TFB1M: variants seen among roughly 807,000 people sequenced by gnomAD.
The protein encoded by TFB1M is transcription factor B1, mitochondrial, also known as dimethyladenosine transferase 1, mitochondrial.
In TFB1M, 27 loss-of-function variants were observed where a neutral mutation model predicts 31.1. The ratio of observed to expected loss-of-function variants is 0.87; its 90% CI spans 0.64 to 1.20. The LOEUF (loss-of-function observed/expected upper bound fraction) is 1.20, where lower values mean the gene tolerates loss of function less well. TFB1M is among the 50% of genes most tolerant of loss of function. The pLI is 0.00. For synonymous variants in TFB1M, 166 were observed against 151.8 expected (o/e 1.09, Z -0.69); for missense variants, 394 against 418.7 (o/e 0.94, Z 0.51).
At position 155,256,342 on chromosome 6, in the gene TFB1M, C is replaced by CTAAT; in HGVS notation, c.*1490_*1493dup. ...ATGTTTTCAGTAGCTACATTTTTGCCTAATTACCAGGATAGTTGCTAACTG... is the reference window on the plus strand; with the variant it reads ...ATGTTTTCAGTAGCTACATTTTTGCCTAATTAATTACCAGGATAGTTGCTAACTG... On this transcript the variant is annotated 3_prime_UTR_variant, in exon 7 of 7. Coordinates refer to ENST00000367166, the MANE Select transcript of TFB1M (RefSeq NM_016020.4). 6 of 1,272,720 alleles carry CTAAT rather than the reference C, an allele frequency of 4.7e-6. No individual in the cohort carries two copies. The highest frequency in any genetic ancestry group is 6.4e-6 in the Non-Finnish European group (6 of 933,736). 78.8% of individuals were successfully genotyped at this position (1,272,720 alleles called of 1,614,324 possible).
At chr6:155,300,027 T>C (rs755987287) in intron 2 of TFB1M, among the ~76,000 whole-genome samples, 6 of 152,228 alleles carry the variant, frequency 3.9e-5, no homozygotes, top group Non-Finnish European at 7.3e-5. Context: ...GTTTAATACA[T>C]ATTTAAGAAG....
chr6:155,240,482 A>T, the TFB1M span: 1 of 1,556,622 alleles, frequency 6.4e-7, no homozygotes, highest in South Asian at 1.2e-5. Context: ...AGCGGATACT[A>T]TCAGGGAGAG....
Position 155,256,805 on chromosome 6 carries a change from T to C in TFB1M, c.*1031A>G, listed in dbSNP as rs751780285. On this transcript the variant is annotated 3_prime_UTR_variant, in exon 7 of 7. Transcript: ENST00000367166. Reference sequence around the variant, plus strand: ...GAAATTCAGTTCCAGAGACTGAGGATTTCCGAGGACCCAGACGTTCACCCC... The same window carrying C: ...GAAATTCAGTTCCAGAGACTGAGGACTTCCGAGGACCCAGACGTTCACCCC... The C allele has an allele frequency of 3.7e-5, 59 of 1,613,950 alleles. No homozygotes were observed. The highest frequency in any genetic ancestry group is 4.9e-5 in the Non-Finnish European group (58 of 1,180,016).
intron 5 of TFB1M, among the ~76,000 whole-genome samples, chr6:155,272,106 C>T (rs907257794): frequency 6.6e-5 from 10 of 152,044 alleles, no homozygotes; most frequent in Non-Finnish European, 1.0e-4. Context: ...ATAAGCCTCA[C>T]GTATATGGTT....
At chr6:155,280,084 GA>G (rs551420347) in intron 5 of TFB1M, among the ~76,000 whole-genome samples, 162 of 152,188 alleles carry the variant, frequency 1.1e-3, no homozygotes, top group African/African-American at 3.8e-3. Flanking sequence ...AAAGAAGAGA[GA>G]AAAAATGCTA....
chr6:155,287,303 C>T (rs1393955150), intron 4 of TFB1M, among the ~76,000 whole-genome samples: 2 of 151,776 alleles, frequency 1.3e-5, no homozygotes, highest in African/African-American at 2.4e-5. Flanking sequence ...TAGAGCACAG[C>T]GTACATACAT....
At chr6:155,249,649 G>T in the TFB1M span, among the ~76,000 whole-genome samples, 1 of 152,200 alleles carries the variant, frequency 6.6e-6, no homozygotes, top group East Asian at 1.9e-4. Context: ...AAAAGAATTT[G>T]AAGTAGGAGA....
chr6:155,275,255 T>C (rs1785127746), intron 5 of TFB1M, among the ~76,000 whole-genome samples: 1 of 152,108 alleles, frequency 6.6e-6, no homozygotes, highest in Non-Finnish European at 1.5e-5. Flanking sequence ...AATAAAATCA[T>C]TTGAAAAACC....
intron 5 of TFB1M, among the ~76,000 whole-genome samples, chr6:155,267,099 T>C (rs1784687527): frequency 6.6e-6 from 1 of 151,390 alleles, no homozygotes; most frequent in African/African-American, 2.4e-5. Flanking sequence ...CTCAGCCTCC[T>C]GAGTAGCTGG....
chr6:155,277,670 G>T (rs560237246), intron 5 of TFB1M, among the ~76,000 whole-genome samples: 3 of 152,256 alleles, frequency 2.0e-5, no homozygotes, highest in Admixed American at 6.5e-5. Flanking sequence ...TAGCTAAAAC[G>T]AAAAGGTATT....
chr6:155,251,394 C>T (rs1197822426), downstream of TFB1M, among the ~76,000 whole-genome samples: 1 of 152,160 alleles, frequency 6.6e-6, no homozygotes, highest in African/African-American at 2.4e-5. Context: ...TCAAGCTATT[C>T]CCCTGCCTAA....
rs776323932 is a variant in TFB1M, at chr6:155,298,462, C to T, written c.394+15G>A. On this transcript the variant is annotated intron_variant, in intron 3 of 6. Transcript: ENST00000367166. ...TCATAAAAGAAATGTTTTATAACTA[C>T]CCAAAAGCACTCACCATCTTCCCAG... 4.4e-6 allele frequency: 6 copies of T among 1,361,984 alleles called. No homozygotes were observed. The highest frequency in any genetic ancestry group is 5.3e-6 in the Non-Finnish European group (5 of 950,636). The allele number at this position is 1,361,984 out of a possible 1,614,324, so 84.4% of individuals were successfully genotyped here.
At chr6:155,256,086 C>A, downstream of TFB1M, 1 of 260,486 alleles carries the variant, frequency 3.8e-6, no homozygotes, top group South Asian at 5.6e-5. Context: ...TGAGAAGATG[C>A]ATAGGAATAT....
chr6:155,265,367 G>T lies in TFB1M; in HGVS notation c.667-4967C>A, dbSNP rs540829775. On this transcript the variant is annotated intron_variant, in intron 5 of 6. Transcript: ENST00000367166. ...GCTAGTAATATTATTAAAAGACTGAGAAATAGAACATGCATACAAATATAG... is the reference window on the plus strand; with the variant it reads ...GCTAGTAATATTATTAAAAGACTGATAAATAGAACATGCATACAAATATAG... Among the ~76,000 whole-genome samples, 19 of 152,260 alleles carry T rather than the reference G, an allele frequency of 1.2e-4. 1 individual carries two copies. The South Asian group carries it at 3.7e-3, about 30-fold the overall frequency.
Position 155,304,666 on chromosome 6 carries a change from T to A in TFB1M, c.286-6081A>T, listed in dbSNP as rs929707941. The stretch of plus-strand genomic sequence containing the variant: ...AGAGAAAAAAGAACAAAGGTAAGGA[T>A]GAAAAAAGATTTGTCAGAAACTTTT... On this transcript the variant is annotated intron_variant, in intron 2 of 6. Transcript: ENST00000367166. Among the ~76,000 whole-genome samples the A allele has an allele frequency of 2.6e-5, 4 of 151,854 alleles. No homozygotes were observed. In the South Asian group the frequency reaches 8.3e-4, roughly 32 times the overall value.
In TFB1M at chr6:155,256,601, G is replaced by GC. The variant is rs1238649467; in HGVS notation, c.*1234dup. On this transcript the variant is annotated 3_prime_UTR_variant, in exon 7 of 7. Transcript: ENST00000367166. ...GGCAGCTTGAGCAGCGGCACCCAGA[G>GC]CAGCGGCTGCCCCACGGCTGAGGGC... 1 of 1,614,050 alleles carries GC rather than the reference G, an allele frequency of 6.2e-7. No homozygotes were observed. Among genetic ancestry groups the GC allele is most frequent in the Non-Finnish European group, 8.5e-7 (1 of 1,180,034 alleles).
Position 155,256,686 on chromosome 6 carries a change from T to A in TFB1M, c.*1150A>T. On this transcript the variant is annotated 3_prime_UTR_variant, in exon 7 of 7. Transcript: ENST00000367166. ...ACCCACACCCCGGCTTGGCAGATTT[T>A]GCCGACAATCTCATCAAAGAGAGTG... 1.2e-6 allele frequency: 2 copies of A among 1,614,230 alleles called. No individual in the cohort carries two copies. The highest frequency in any genetic ancestry group is 1.7e-6 in the Non-Finnish European group (2 of 1,180,048).
intron 5 of TFB1M, among the ~76,000 whole-genome samples, chr6:155,263,737 A>C (rs1171663272): frequency 1.3e-5 from 2 of 152,174 alleles, no homozygotes; most frequent in South Asian, 4.1e-4. Context: ...GTTCCTGATG[A>C]TTATCATATG....
intron 5 of TFB1M, among the ~76,000 whole-genome samples, chr6:155,277,505 T>C (rs1583333751): frequency 6.6e-6 from 1 of 152,230 alleles, no homozygotes; most frequent in African/African-American, 2.4e-5. Flanking sequence ...AAAGATTATT[T>C]CTTTGTACAT....
Sources: allele counts gnomAD v4.1 joint callset (sites outside exome capture counted in the v4.1 genomes callset), GRCh38; gene constraint gnomAD v4.1.1; transcripts MANE v1.5; gene names NCBI Gene and HGNC (gene_info 2026-07-23, HGNC 2026-07-21).